GRIK1: variants seen among roughly 807,000 people sequenced by gnomAD.
GRIK1 encodes glutamate ionotropic receptor kainate type subunit 1, also known as glutamate receptor ionotropic, kainate 1.
In GRIK1, 69 loss-of-function variants were observed where a neutral mutation model predicts 105.7. The observed-to-expected ratio is 0.65, with a 90% confidence interval of 0.54 to 0.80. The LOEUF (loss-of-function observed/expected upper bound fraction) is 0.80, where lower values mean the gene tolerates loss of function less well. GRIK1 is among the 30% of genes least tolerant of loss of function. GRIK1 has a pLI of 0.00. For synonymous variants in GRIK1, 438 were observed against 431.3 expected, an observed-to-expected ratio of 1.02 and a Z score of -0.19; for missense variants, 1,109 against 1,167.3, an observed-to-expected ratio of 0.95 and a Z score of 0.73.
At chr21:29,588,652 T>C (rs1282978826) in intron 11 of GRIK1, among the ~76,000 whole-genome samples, 187 bp downstream of exon 11, 1 of 152,198 alleles carries the variant, frequency 6.6e-6, no homozygotes, top group African/African-American at 2.4e-5. Context: ...CCATATATTT[T>C]TATCATTAAT....
chr21:29,891,444 G>A (rs1198381356), intron 1 of GRIK1, among the ~76,000 whole-genome samples: 1 of 152,180 alleles, frequency 6.6e-6, no homozygotes, highest in African/African-American at 2.4e-5. Context: ...CACAATGATA[G>A]CCTGTGTGGC....
chr21:29,757,035 T>C (rs1470711420), intron 1 of GRIK1, among the ~76,000 whole-genome samples: 2 of 152,132 alleles, frequency 1.3e-5, no homozygotes, highest in African/African-American at 4.8e-5. Flanking sequence ...GAGACTTGCT[T>C]GAACCTGGGA....
chr21:29,828,140 T>C (rs1249116817), intron 1 of GRIK1, among the ~76,000 whole-genome samples: 1 of 151,956 alleles, frequency 6.6e-6, no homozygotes, highest in Non-Finnish European at 1.5e-5. Context: ...TACCAGACTT[T>C]TTTAAAGCTT....
At chr21:29,652,573 G>A (rs987333093) in intron 5 of GRIK1, among the ~76,000 whole-genome samples, 1 of 152,192 alleles carries the variant, frequency 6.6e-6, no homozygotes, top group Non-Finnish European at 1.5e-5. Context: ...TATTACAGAT[G>A]AGGCTGAGTG....
chr21:29,561,582 A>G (rs2090480540), intron 15 of GRIK1, 42 bp downstream of exon 15: 1 of 1,322,626 alleles, frequency 7.6e-7, no homozygotes, highest in Admixed American at 1.7e-5. Flanking sequence ...CTGGTAACTG[A>G]CATTCTGTAT....
chr21:29,766,124 C>G (rs1256823828), intron 1 of GRIK1, among the ~76,000 whole-genome samples: 1 of 152,146 alleles, frequency 6.6e-6, no homozygotes, highest in Non-Finnish European at 1.5e-5. Flanking sequence ...GCTGGGATTA[C>G]AGGCATGAGC....
At chr21:29,733,540 G>A (rs1208146624) in intron 1 of GRIK1, among the ~76,000 whole-genome samples, 1 of 151,240 alleles carries the variant, frequency 6.6e-6, no homozygotes, top group Non-Finnish European at 1.5e-5. Context: ...TTAAATTTGT[G>A]GGCTACTTTA....
intron 14 of GRIK1, among the ~76,000 whole-genome samples, chr21:29,571,575 G>A (rs913773764): frequency 6.6e-6 from 1 of 152,164 alleles, no homozygotes; most frequent in Non-Finnish European, 1.5e-5. Context: ...TGAAATTTTA[G>A]CGAGCAACTT....
At chr21:29,771,306 A>G (rs751114388) in intron 1 of GRIK1, among the ~76,000 whole-genome samples, 2 of 152,224 alleles carry the variant, frequency 1.3e-5, no homozygotes, top group African/African-American at 2.4e-5. Context: ...TATATTTGGT[A>G]GAGCAGGGAT....
intron 1 of GRIK1, chr21:29,748,112 A>G (rs2065091846): frequency 6.6e-6 from 1 of 152,160 alleles, no homozygotes; most frequent in Non-Finnish European, 1.5e-5. Context: ...TCTTGGGTTT[A>G]TTTACATATT....
chr21:29,567,029 T>TAA (rs2090627106), intron 14 of GRIK1, among the ~76,000 whole-genome samples: 1 of 152,234 alleles, frequency 6.6e-6, no homozygotes, highest in African/African-American at 2.4e-5. Context: ...AGAGCTGTTG[T>TAA]ACTCATCATA....
At chr21:29,579,659 C>G (rs1429276363) in intron 13 of GRIK1, among the ~76,000 whole-genome samples, 1 of 152,086 alleles carries the variant, frequency 6.6e-6, no homozygotes, top group African/African-American at 2.4e-5. Context: ...GATGCACTAA[C>G]AGTCACAAGT....
intron 16 of GRIK1, among the ~76,000 whole-genome samples, chr21:29,539,935 T>C (rs2089941681): frequency 6.6e-6 from 1 of 152,210 alleles, no homozygotes; most frequent in South Asian, 2.1e-4. Flanking sequence ...CTTTTAAAAA[T>C]ATTTTTTATC....
intron 1 of GRIK1, among the ~76,000 whole-genome samples, chr21:29,826,778 C>T (rs957521446): frequency 9.2e-5 from 14 of 151,902 alleles, no homozygotes; most frequent in African/African-American, 3.1e-4. Context: ...TCTTATTCTC[C>T]AGAGAACACT....
intron 1 of GRIK1, among the ~76,000 whole-genome samples, chr21:29,732,416 G>T (rs539727274): frequency 6.6e-6 from 1 of 152,196 alleles, no homozygotes; most frequent in East Asian, 1.9e-4. Context: ...TGTAATTTGG[G>T]GCTAACAATA....
chr21:29,612,738 A>G (rs906730965), intron 7 of GRIK1, among the ~76,000 whole-genome samples: 14 of 152,352 alleles, frequency 9.2e-5, no homozygotes, highest in African/African-American at 2.9e-4. Flanking sequence ...GTAAATTAAT[A>G]TGTTTCTATT....
intron 7 of GRIK1, among the ~76,000 whole-genome samples, chr21:29,642,285 C>T (rs2062526548): frequency 6.6e-6 from 1 of 152,166 alleles, no homozygotes; most frequent in Admixed American, 6.5e-5. Flanking sequence ...CTGCAAATAC[C>T]CCATACTCTC....
At chr21:29,654,190 T>A (rs1374181245) in intron 5 of GRIK1, among the ~76,000 whole-genome samples, 1 of 152,196 alleles carries the variant, frequency 6.6e-6, no homozygotes, top group Non-Finnish European at 1.5e-5. Flanking sequence ...GAATGAAAAT[T>A]ATCACATCAT....
intron 5 of GRIK1, among the ~76,000 whole-genome samples, chr21:29,653,789 G>A (rs896600118): frequency 3.3e-5 from 5 of 152,174 alleles, no homozygotes; most frequent in African/African-American, 1.2e-4. Context: ...TCCACCCTAT[G>A]GGAAGACTAT....
Sources: gnomAD v4.1 joint callset for allele counts (sites outside exome capture counted in the v4.1 genomes callset) on GRCh38, gnomAD v4.1.1 for gene constraint, MANE v1.5 for transcripts, NCBI Gene and HGNC (gene_info 2026-07-23, HGNC 2026-07-21) for gene names.